Variants in CALN1 observed in about 807,000 individuals in gnomAD.
The protein encoded by CALN1 is calcium-binding protein 8.
Under a neutral mutation model 30.6 loss-of-function variants are expected in CALN1, and 17 were observed. That is an observed-to-expected ratio of 0.56 (90% CI 0.38 to 0.83). CALN1 has a LOEUF of 0.83. CALN1 is among the 40% of genes least tolerant of loss of function. The pLI is 0.00. For missense variants in CALN1, 291 were observed against 354.9 expected, an observed-to-expected ratio of 0.82 and a Z score of 1.45; for synonymous variants, 156 against 131.4, an observed-to-expected ratio of 1.19 and a Z score of -1.28.
At chr7:71,910,978 G>T (rs1436495429) in intron 5 of CALN1, among the ~76,000 whole-genome samples, 2 of 152,164 alleles carry the variant, frequency 1.3e-5, no homozygotes, top group Non-Finnish European at 2.9e-5. Flanking sequence ...TATACACACA[G>T]GTATGAACTT....
rs574499546 is a variant in CALN1 at position 71,795,408 on chromosome 7, C to CT, written c.659-7507dup. On this transcript the variant is annotated intron_variant, in intron 6 of 6. Transcript: ENST00000395275. ...TGAACACCCTGCTCTATAAAAGGGC[C>CT]TGCTCCTTGTGTTTATTTGTTGTAA... Among the ~76,000 whole-genome samples, 260 of 152,272 alleles carry CT rather than the reference C, an allele frequency of 1.7e-3. 1 individual carries two copies. Among genetic ancestry groups the CT allele is most frequent in the African/African-American group, 5.5e-3 (229 of 41,544 alleles).
In CALN1 at chr7:71,871,132, C is replaced by T. The variant is rs530523709; in HGVS notation, c.502-60640G>A. ...TACTTAAGAGAACAAACTCTTTTAA[C>T]AGCTGTTAGCTCATTAAGTGTTGAA... On this transcript the variant is annotated intron_variant, in intron 5 of 6. Transcript: ENST00000395275. Among the ~76,000 whole-genome samples the T allele has an allele frequency of 4.6e-5, 7 of 152,318 alleles. No individual in the cohort carries two copies. In the East Asian group the frequency reaches 9.6e-4, roughly 21 times the overall value.
intron 2 of CALN1, among the ~76,000 whole-genome samples, chr7:72,295,444 T>C (rs1038329354): frequency 1.3e-5 from 2 of 152,052 alleles, no homozygotes; most frequent in Non-Finnish European, 2.9e-5. Flanking sequence ...ATCTGTAAAT[T>C]GCCTTGGGCA....
intron 3 of CALN1, among the ~76,000 whole-genome samples, chr7:72,245,816 GTTC>G (rs1795122173): frequency 1.3e-5 from 2 of 152,228 alleles, no homozygotes; most frequent in South Asian, 2.1e-4. Flanking sequence ...CAAAAGACCA[GTTC>G]TTCTTTCAAT....
intron 3 of CALN1, among the ~76,000 whole-genome samples, chr7:72,162,392 AG>A (rs1215906003): frequency 3.9e-5 from 6 of 152,230 alleles, no homozygotes; most frequent in African/African-American, 1.4e-4. Context: ...GGTGGCCAAA[AG>A]CAGATAGAAA....
chr7:72,394,758 A>G (rs1391650056), intron 2 of CALN1, among the ~76,000 whole-genome samples: 1 of 149,906 alleles, frequency 6.7e-6, no homozygotes, highest in South Asian at 2.1e-4. Flanking sequence ...AATTCCTGGG[A>G]TCAAGCAATC....
intron 5 of CALN1, among the ~76,000 whole-genome samples, chr7:71,911,874 A>G (rs1303795682): frequency 3.3e-5 from 5 of 152,106 alleles, no homozygotes; most frequent in Admixed American, 3.3e-4. Context: ...TAAAGTAACG[A>G]CGAAGATGAG....
In CALN1 at chr7:72,389,718, G is replaced by A. The variant is rs558502776; in HGVS notation, c.119+13533C>T. Among the ~76,000 whole-genome samples, 53 of 152,236 alleles carry A rather than the reference G, an allele frequency of 3.5e-4. No homozygotes were observed. In the South Asian group the frequency reaches 7.7e-3, roughly 22 times the overall value. ...GTGGATCACCTGAGGTCAGCAGTTC[G>A]AGACTAACCTGGCCAACATGGTGAA... On this transcript the variant is annotated intron_variant, in intron 2 of 6. Transcript: ENST00000395275.
chr7:71,814,739 A>T (rs1788158288), intron 5 of CALN1, among the ~76,000 whole-genome samples: 1 of 151,968 alleles, frequency 6.6e-6, no homozygotes, highest in South Asian at 2.1e-4. Context: ...CCTCCTCTTT[A>T]TGATTTTCAT....
At chr7:72,183,480 T>TC (rs1016838648) in intron 3 of CALN1, among the ~76,000 whole-genome samples, 4 of 152,142 alleles carry the variant, frequency 2.6e-5, no homozygotes, top group Admixed American at 2.6e-4. Flanking sequence ...ACAAAGCTTT[T>TC]CACAGGTGAA....
chr7:72,219,291 T>C (rs977384001), intron 3 of CALN1, among the ~76,000 whole-genome samples: 2 of 152,164 alleles, frequency 1.3e-5, no homozygotes, highest in African/African-American at 4.8e-5. Context: ...AGTGGCATGA[T>C]CATATCTCAC....
At chr7:71,890,026 G>C (rs1032012831) in intron 5 of CALN1, among the ~76,000 whole-genome samples, 1 of 151,696 alleles carries the variant, frequency 6.6e-6, no homozygotes, top group Non-Finnish European at 1.5e-5. Flanking sequence ...AAACACAACA[G>C]TGGCTGATTT....
intron 2 of CALN1, among the ~76,000 whole-genome samples, chr7:72,366,463 A>G (rs1452467463): frequency 6.6e-6 from 1 of 152,160 alleles, no homozygotes; most frequent in East Asian, 1.9e-4. Flanking sequence ...GGCATGAGCT[A>G]CAGCGCCTGA....
At position 71,784,416 on chromosome 7, in the gene CALN1, C is replaced by T. The variant is rs1423963650; in HGVS notation, c.*3359G>A. 1 of 165,416 alleles carries T rather than the reference C, an allele frequency of 6.0e-6. No homozygotes were observed. Among genetic ancestry groups the T allele is most frequent in the East Asian group, 1.6e-4 (1 of 6,132 alleles). The allele number at this position is 165,416 out of a possible 1,614,324, so 10.2% of individuals were successfully genotyped here. A position where few individuals can be genotyped will look rare whatever the true frequency, so the allele number is the denominator to read the frequency against. On this transcript the variant is annotated 3_prime_UTR_variant, in exon 7 of 7. Coordinates refer to ENST00000395275, the MANE Select transcript of CALN1 (RefSeq NM_031468.4). ...ACTCAGGGTGGAATGCAAGGGTTGC[C>T]ATGGTAATATCCCTCTTTTTTTTTT...
chr7:72,021,356 G>C (rs1800697388), intron 5 of CALN1, among the ~76,000 whole-genome samples: 1 of 152,062 alleles, frequency 6.6e-6, no homozygotes, highest in Non-Finnish European at 1.5e-5. Flanking sequence ...AACGCCCAGG[G>C]GAGAAGCAAC....
In CALN1 at chr7:71,784,593, C is replaced by T; in HGVS notation, c.*3182G>A. On this transcript the variant is annotated 3_prime_UTR_variant, in exon 7 of 7. Transcript: ENST00000395275. ...GGGGTCAGGGTCCATTTCCCCTTCT[C>T]TCCCAAGGAAAATGCCTTCTTGCTC... 1 of 381,854 alleles carries T rather than the reference C, an allele frequency of 2.6e-6. No homozygotes were observed. The highest frequency in any genetic ancestry group is 2.1e-5 in the African/African-American group (1 of 48,316). The allele number at this position is 381,854 out of a possible 1,614,324, so 23.7% of individuals were successfully genotyped here.
At chr7:72,456,017 T>A in the CALN1 span, among the ~76,000 whole-genome samples, 1 of 151,882 alleles carries the variant, frequency 6.6e-6, no homozygotes, top group Admixed American at 6.6e-5. Context: ...AAACCCCATC[T>A]CTACTAAAAA....
chr7:72,248,070 T>C (rs140810055), intron 3 of CALN1, among the ~76,000 whole-genome samples: 13 of 152,318 alleles, frequency 8.5e-5, no homozygotes, highest in African/African-American at 3.1e-4. Flanking sequence ...AGTCAAGATA[T>C]TGGGAGGGCT....
intron 3 of CALN1, among the ~76,000 whole-genome samples, chr7:72,227,126 T>A (rs1189698368): frequency 6.6e-6 from 1 of 152,044 alleles, no homozygotes; most frequent in African/African-American, 2.4e-5. Context: ...TATTGGGTAC[T>A]GTGCTCGCTA....
Sources: gnomAD v4.1 joint callset for allele counts (sites outside exome capture counted in the v4.1 genomes callset) on GRCh38, gnomAD v4.1.1 for gene constraint, MANE v1.5 for transcripts, NCBI Gene and HGNC (gene_info 2026-07-23, HGNC 2026-07-21) for gene names.